MSX2: variants seen among roughly 807,000 people sequenced by gnomAD.
The protein encoded by MSX2 is msh homeobox 2.
In MSX2, 10 loss-of-function variants were observed where a neutral mutation model predicts 18.4. That is an observed-to-expected ratio of 0.54 (90% CI 0.34 to 0.92). The LOEUF (loss-of-function observed/expected upper bound fraction) is 0.92. Ranked by LOEUF, MSX2 falls within the 40% of genes least tolerant of loss-of-function variation. The pLI, the probability that MSX2 is intolerant of heterozygous loss-of-function variation, is 0.02. For synonymous variants in MSX2, 170 were observed against 165.6 expected, an observed-to-expected ratio of 1.03 and a Z score of -0.20; for missense variants, 339 against 364.0, an observed-to-expected ratio of 0.93 and a Z score of 0.56.
At chr5:174,729,136 C>T in intron 1 of MSX2, 23 bp from the exon 2 acceptor site, 1 of 1,610,292 alleles carries the variant, frequency 6.2e-7, no homozygotes, top group East Asian at 2.2e-5. Context: ...TTTTGCTAAT[C>T]CGCTCCTCTC....
rs900941970 is a variant in MSX2 at position 174,724,611 on chromosome 5, G to A, written c.-49G>A. On this transcript the variant is annotated 5_prime_UTR_variant, in exon 1 of 2. Transcript: ENST00000239243. ...CAAAAAAGTTTGAGTCGCCGCTGCC[G>A]GGTTGCCAGCGGAGTCGCGCGTCGG... 1.9e-6 allele frequency: 3 copies of A among 1,556,044 alleles called. No homozygotes were observed. Among genetic ancestry groups the A allele is most frequent in the Non-Finnish European group, 2.6e-6 (3 of 1,150,348 alleles).
At chr5:174,725,106 C>A (rs6896196) in intron 1 of MSX2, 68 bp downstream of exon 1, 1 of 1,578,042 alleles carries the variant, frequency 6.3e-7, no homozygotes, top group East Asian at 2.3e-5. Flanking sequence ...GGCGGGTGTT[C>A]CAGGGCTGAG....
Position 174,724,716 on chromosome 5 carries a change from A to C in MSX2, c.57A>C (p.Ala19=), listed in dbSNP as rs1211356683. 3 of 1,594,108 alleles carry C rather than the reference A, an allele frequency of 1.9e-6. No homozygotes were observed. The highest frequency in any genetic ancestry group is 2.6e-6 in the Non-Finnish European group (3 of 1,171,262). The change falls in exon 1 of 2, where the codon GCA becomes GCC. Residue 19 remains alanine (A), a synonymous_variant. Transcript: ENST00000239243. ...TTTCGCCCGACGAGGAGGGCCCAGC[A>C]GTGGTGGCCGGACCAGGCCCGGGGC... ...DLFSPDEEGP[A]VVAGPGPGPG...
chr5:174,728,822 A>G (rs1760856870), intron 1 of MSX2, among the ~76,000 whole-genome samples: 1 of 152,124 alleles, frequency 6.6e-6, no homozygotes, highest in Non-Finnish European at 1.5e-5. Context: ...TACATTTCCA[A>G]AACTTTTCTT....
At chr5:174,727,587 G>A (rs1053765217) in intron 1 of MSX2, among the ~76,000 whole-genome samples, 6 of 152,160 alleles carry the variant, frequency 3.9e-5, no homozygotes, top group African/African-American at 1.4e-4. Flanking sequence ...CTCTGACAGT[G>A]TTGTTAATTT....
chr5:174,725,846 G>T (rs1760784300), intron 1 of MSX2, among the ~76,000 whole-genome samples: 1 of 152,216 alleles, frequency 6.6e-6, no homozygotes, highest in Non-Finnish European at 1.5e-5. Flanking sequence ...ACCCCCAAGT[G>T]TAGACACTGG....
intron 1 of MSX2, 65 bp downstream of exon 1, chr5:174,725,103 G>A (rs1273151060): frequency 2.5e-6 from 4 of 1,581,490 alleles, no homozygotes; most frequent in Admixed American, 3.7e-5. Context: ...GGGGGCGGGT[G>A]TTCCAGGGCT....
Position 174,724,678 on chromosome 5 carries a change from G to C in MSX2, c.19G>C (p.Gly7Arg), listed in dbSNP as rs1304383366. The change falls in exon 1 of 2, where the codon GGC becomes CGC. Residue 7 changes from glycine to arginine, a missense_variant. Physicochemically the swap from Gly to Arg is moderately radical, Grantham distance 125. Transcript: ENST00000239243. ...AGAAGTCATGGCTTCTCCGTCCAAA[G>C]GCAATGACTTGTTTTCGCCCGACGA... The part of the protein sequence containing the change: MASPSK[G>R]NDLFSPDEEG... 1 of 1,594,870 alleles carries C rather than the reference G, an allele frequency of 6.3e-7. No homozygotes were observed. Among genetic ancestry groups the C allele is most frequent in the South Asian group, 1.1e-5 (1 of 88,306 alleles).
intron 1 of MSX2, among the ~76,000 whole-genome samples, chr5:174,728,342 C>T (rs1269770086): frequency 2.0e-5 from 3 of 152,152 alleles, no homozygotes; most frequent in Non-Finnish European, 2.9e-5. Context: ...ATTACAGAAG[C>T]GCCCAGCCAA....
Position 174,729,681 on chromosome 5 carries a change from T to C in MSX2, c.*98T>C. The C allele has an allele frequency of 7.7e-7, 1 of 1,292,856 alleles. No individual in the cohort carries two copies. The allele number at this position is 1,292,856 out of a possible 1,614,324, so 80.1% of individuals were successfully genotyped here. A position where few individuals can be genotyped will look rare whatever the true frequency, so the allele number is the denominator to read the frequency against. ...GTACCAGCCAGTACTCCTGCTCTGC[T>C]AACCCTGCGTGCACCACCCTAAGCG... On this transcript the variant is annotated 3_prime_UTR_variant, in exon 2 of 2. Transcript: ENST00000239243.
chr5:174,729,048 G>A, intron 1 of MSX2, 111 bp from the exon 2 acceptor site: 2 of 997,924 alleles, frequency 2.0e-6, no homozygotes, highest in Non-Finnish European at 3.0e-6. Context: ...CAGTTGAGAG[G>A]GGAGGCCCGA....
intron 1 of MSX2, among the ~76,000 whole-genome samples, chr5:174,727,041 G>A (rs925084805): frequency 6.8e-6 from 1 of 148,120 alleles, no homozygotes; most frequent in African/African-American, 2.4e-5. Context: ...CATGTATCCC[G>A]GAACTTAAAG....
Position 174,730,779 on chromosome 5 carries a change from C to T in MSX2, c.*1196C>T, listed in dbSNP as rs1760914193. On this transcript the variant is annotated 3_prime_UTR_variant, in exon 2 of 2. Transcript: ENST00000239243. ...CATCTGTCCCCTCCCTCCGGTATAC[C>T]TTTATCCCTTTGAAAGGGTGCTTGT... 1 of 152,552 alleles carries T rather than the reference C, an allele frequency of 6.6e-6. No individual in the cohort carries two copies. The highest frequency in any genetic ancestry group is 2.4e-5 in the African/African-American group (1 of 41,422). 9.4% of individuals were successfully genotyped at this position (152,552 alleles called of 1,614,324 possible).
rs757239934 is a variant in MSX2, at chr5:174,729,455, A to G, written c.676A>G (p.Ile226Val). The change falls in exon 2 of 2, where the codon ATC becomes GTC. Residue 226 changes from isoleucine to valine, a missense_variant. Transcript: ENST00000239243. ...LPSSFSLPFP[I>V]SSPLQAASIY... ...CTCCAGCTTCAGTCTCCCTTTCCCC[A>G]TCAGCTCGCCCCTGCAGGCAGCGTC... is the stretch of plus-strand genomic sequence containing the variant. 1 of 1,613,978 alleles carries G rather than the reference A, an allele frequency of 6.2e-7. No homozygotes were observed. The highest frequency in any genetic ancestry group is 8.5e-7 in the Non-Finnish European group (1 of 1,179,896).
At chr5:174,726,476 A>G (rs1052495320) in intron 1 of MSX2, among the ~76,000 whole-genome samples, 7 of 151,800 alleles carry the variant, frequency 4.6e-5, no homozygotes, top group Non-Finnish European at 1.0e-4. Flanking sequence ...AGTGCTTTAT[A>G]GCACTTTTCA....
chr5:174,724,756 G>T lies in MSX2; in HGVS notation c.97G>T (p.Gly33Trp). 2 of 1,568,090 alleles carry T rather than the reference G, an allele frequency of 1.3e-6. No individual in the cohort carries two copies. Among genetic ancestry groups the T allele is most frequent in the Non-Finnish European group, 8.6e-7 (1 of 1,157,324 alleles). Residue 33 changes from glycine (G) to tryptophan (W), a missense_variant, in exon 1 of 2, where the codon GGG becomes TGG. Coordinates refer to ENST00000239243, the MANE Select transcript of MSX2 (RefSeq NM_002449.5). Reference protein sequence around the residue: ...GPGPGPGGAEGAAEERRVKVS... With the variant: ...GPGPGPGGAEWAAEERRVKVS... ...AGGCCCGGGGCCTGGGGGCGCCGAG[G>T]GGGCCGCGGAGGAGCGCCGCGTCAA...
chr5:174,727,763 A>G (rs542892195), intron 1 of MSX2, among the ~76,000 whole-genome samples: 1 of 152,314 alleles, frequency 6.6e-6, no homozygotes, highest in East Asian at 1.9e-4. Context: ...GTGATGGGTA[A>G]TAATGCGACA....
chr5:174,725,998 G>A (rs1760788577), intron 1 of MSX2, among the ~76,000 whole-genome samples: 1 of 152,156 alleles, frequency 6.6e-6, no homozygotes, highest in Non-Finnish European at 1.5e-5. Flanking sequence ...GATATGCCCT[G>A]ACCACTTTTG....
chr5:174,726,973 T>G (rs1172970920), intron 1 of MSX2, among the ~76,000 whole-genome samples: 1 of 152,054 alleles, frequency 6.6e-6, no homozygotes, highest in Non-Finnish European at 1.5e-5. Flanking sequence ...GGCTGTGACC[T>G]TCCCATGAAA....
Sources: allele counts gnomAD v4.1 joint callset (sites outside exome capture counted in the v4.1 genomes callset), GRCh38; gene constraint gnomAD v4.1.1; transcripts MANE v1.5; gene names NCBI Gene and HGNC (gene_info 2026-07-23, HGNC 2026-07-21).